Variants in RHBDD1 observed in about 807,000 individuals in gnomAD.
RHBDD1 encodes the protein rhomboid-related protein 4.
Under a neutral mutation model 36.3 loss-of-function variants are expected in RHBDD1, and 38 were observed. That is an observed-to-expected ratio of 1.05 (90% CI 0.81 to 1.37). The LOEUF (loss-of-function observed/expected upper bound fraction) is 1.37. Among genes scored for constraint, RHBDD1 ranks in the 40% most tolerant of loss-of-function variants. RHBDD1 has a pLI of 0.00. For synonymous variants in RHBDD1, 151 were observed against 136.5 expected, an observed-to-expected ratio of 1.11 and a Z score of -0.74; for missense variants, 393 against 377.6, an observed-to-expected ratio of 1.04 and a Z score of -0.34.
intron 8 of RHBDD1, among the ~76,000 whole-genome samples, chr2:226,929,158 G>T (rs1478750586): frequency 6.6e-6 from 1 of 151,986 alleles, no homozygotes; most frequent in Admixed American, 6.6e-5. Context: ...TATGAAGCCG[G>T]TATCACCATG....
At chr2:226,833,462 T>C (rs1940792088), upstream of RHBDD1, among the ~76,000 whole-genome samples, 1 of 152,182 alleles carries the variant, frequency 6.6e-6, no homozygotes, top group African/African-American at 2.4e-5. Flanking sequence ...TGTACAAGGG[T>C]TGTTACCACC....
intron 8 of RHBDD1, among the ~76,000 whole-genome samples, chr2:226,917,398 G>T (rs550189995): frequency 2.0e-4 from 31 of 152,010 alleles, no homozygotes; most frequent in African/African-American, 7.2e-4. Flanking sequence ...TTTCAGTTAA[G>T]AAATGAATAA....
chr2:226,946,188 A>G (rs566100848), intron 8 of RHBDD1, among the ~76,000 whole-genome samples: 1 of 152,102 alleles, frequency 6.6e-6, no homozygotes, highest in South Asian at 2.1e-4. Flanking sequence ...TTTTGTTGCC[A>G]TTGCTTTTGG....
chr2:226,947,421 G>A (rs760145937), intron 8 of RHBDD1, among the ~76,000 whole-genome samples: 47 of 151,900 alleles, frequency 3.1e-4, no homozygotes, highest in Admixed American at 4.6e-4. Context: ...GTAGATATGC[G>A]GCGTTATTTC....
intron 8 of RHBDD1, among the ~76,000 whole-genome samples, chr2:226,948,443 G>A (rs1245760016): frequency 2.0e-5 from 3 of 148,814 alleles, no homozygotes; most frequent in South Asian, 2.2e-4. Flanking sequence ...GGGAGGGATA[G>A]CATTGGGAGA....
At chr2:226,882,619 G>T (rs759960622) in intron 5 of RHBDD1, among the ~76,000 whole-genome samples, 4 of 151,014 alleles carry the variant, frequency 2.6e-5, no homozygotes, top group African/African-American at 9.7e-5. Context: ...ACCGCCCCCC[G>T]CCCCGAACCT....
the RHBDD1 span, among the ~76,000 whole-genome samples, chr2:226,810,540 CAAAAAAAAAAAAAA>C: frequency 1.8e-4 from 6 of 33,882 alleles, no homozygotes; most frequent in African/African-American, 4.3e-4. Flanking sequence ...GACTCCGTCT[CAAAAAAAAAAAAAA>C]AAAAAAAAAA....
chr2:226,937,816 C>G (rs1338008634), intron 8 of RHBDD1, among the ~76,000 whole-genome samples: 1 of 152,152 alleles, frequency 6.6e-6, no homozygotes, highest in African/African-American at 2.4e-5. Flanking sequence ...TGTATACGTA[C>G]CACATTTTCT....
intron 8 of RHBDD1, among the ~76,000 whole-genome samples, chr2:226,934,825 C>G (rs185750458): frequency 5.9e-5 from 9 of 151,876 alleles, no homozygotes; most frequent in Admixed American, 5.3e-4. Flanking sequence ...TCCCCCAACC[C>G]CACATCCCTC....
intron 8 of RHBDD1, among the ~76,000 whole-genome samples, chr2:226,962,976 A>G (rs1172504546): frequency 6.6e-6 from 1 of 152,084 alleles, no homozygotes; most frequent in Non-Finnish European, 1.5e-5. Flanking sequence ...TTTGGGCTGG[A>G]TGATTCCTTG....
chr2:226,943,766 G>A (rs554972813), intron 8 of RHBDD1, among the ~76,000 whole-genome samples: 4 of 152,140 alleles, frequency 2.6e-5, no homozygotes, highest in Non-Finnish European at 5.9e-5. Context: ...CTTACATAAC[G>A]CAGGCCTAGT....
intron 2 of RHBDD1, among the ~76,000 whole-genome samples, chr2:226,838,968 CTG>C (rs1941313155): frequency 6.6e-6 from 1 of 152,160 alleles, no homozygotes; most frequent in South Asian, 2.1e-4. Flanking sequence ...GAAGGGGACA[CTG>C]TTACAGGAAA....
At chr2:226,892,760 T>G (rs1467345365) in intron 5 of RHBDD1, among the ~76,000 whole-genome samples, 3 of 152,132 alleles carry the variant, frequency 2.0e-5, no homozygotes, top group Non-Finnish European at 2.9e-5. Context: ...ACTCAAATTT[T>G]GGGTGAAGAT....
At chr2:226,875,758 A>T (rs1170271984) in intron 5 of RHBDD1, among the ~76,000 whole-genome samples, 1 of 152,218 alleles carries the variant, frequency 6.6e-6, no homozygotes, top group Non-Finnish European at 1.5e-5. Flanking sequence ...ATGAAATCAC[A>T]ATCTATCCAT....
At chr2:226,829,930 G>A in the RHBDD1 span, among the ~76,000 whole-genome samples, 1 of 151,542 alleles carries the variant, frequency 6.6e-6, no homozygotes. Context: ...CTAATCTCAG[G>A]GGAAAAGCTT....
chr2:226,900,378 A>T (rs1453189568), intron 5 of RHBDD1, among the ~76,000 whole-genome samples: 1 of 152,118 alleles, frequency 6.6e-6, no homozygotes, highest in Admixed American at 6.5e-5. Context: ...TTGTAGTCTG[A>T]GTGTGCATTG....
At chr2:226,823,227 C>G in the RHBDD1 span, among the ~76,000 whole-genome samples, 1 of 152,154 alleles carries the variant, frequency 6.6e-6, no homozygotes, top group Non-Finnish European at 1.5e-5. Context: ...AGAGCCCTTG[C>G]CAGATACCAA....
intron 8 of RHBDD1, among the ~76,000 whole-genome samples, chr2:226,972,299 G>A (rs1953688982): frequency 6.6e-6 from 1 of 152,110 alleles, no homozygotes; most frequent in South Asian, 2.1e-4. Context: ...TGGTGTATAT[G>A]TGCCACATTT....
At chr2:226,921,023 C>T (rs1949270461) in intron 8 of RHBDD1, among the ~76,000 whole-genome samples, 1 of 152,068 alleles carries the variant, frequency 6.6e-6, no homozygotes, top group Non-Finnish European at 1.5e-5. Flanking sequence ...TTTATTATGG[C>T]ACCAATCTCA....
Sources: gnomAD v4.1 joint callset for allele counts (sites outside exome capture counted in the v4.1 genomes callset) on GRCh38, gnomAD v4.1.1 for gene constraint, MANE v1.5 for transcripts, NCBI Gene and HGNC (gene_info 2026-07-23, HGNC 2026-07-21) for gene names.